ZNF99: variants seen among roughly 807,000 people sequenced by gnomAD.
The protein encoded by ZNF99 is zinc finger protein 99, also known as zinc finger protein ENSP00000375192.
In ZNF99, 8 loss-of-function variants were observed where a neutral mutation model predicts 12.8. The observed-to-expected ratio is 0.62, with a 90% CI of 0.37 to 1.13. ZNF99 has a LOEUF of 1.13. Among genes scored for constraint, ZNF99 ranks in the 50% most tolerant of loss-of-function variants. ZNF99 has a pLI of 0.02. For missense variants in ZNF99, 1,007 were observed against 1,006.2 expected (o/e 1.00, Z -0.01); for synonymous variants, 318 against 319.0 (o/e 1.00, Z 0.03).
intron 1 of ZNF99, among the ~76,000 whole-genome samples, chr19:22,780,552 G>A (rs1390396869): frequency 6.6e-6 from 1 of 152,046 alleles, no homozygotes; most frequent in African/African-American, 2.4e-5. Flanking sequence ...AATTAGCGGC[G>A]TGGTGGCACA....
chr19:22,777,358 A>G (rs1973341216), intron 1 of ZNF99, among the ~76,000 whole-genome samples: 1 of 152,068 alleles, frequency 6.6e-6, no homozygotes, highest in Non-Finnish European at 1.5e-5. Context: ...GAACACAAAG[A>G]GGGGAACAAC....
At chr19:22,777,653 G>C (rs1373581628) in intron 1 of ZNF99, among the ~76,000 whole-genome samples, 1 of 152,156 alleles carries the variant, frequency 6.6e-6, no homozygotes, top group Admixed American at 6.6e-5. Flanking sequence ...GTTCATGCTG[G>C]CAGATGATAT....
intron 3 of ZNF99, among the ~76,000 whole-genome samples, chr19:22,766,902 C>T (rs529624451): frequency 2.2e-4 from 33 of 152,068 alleles, no homozygotes; most frequent in Non-Finnish European, 4.3e-4. Flanking sequence ...CCGCCCACCT[C>T]GGCCTCCCAA....
At position 22,754,281 on chromosome 19, in the gene ZNF99, C is replaced by A. The variant is rs1026258854; in HGVS notation, c.*3033G>T. 1 of 430,886 alleles carries A rather than the reference C, an allele frequency of 2.3e-6. No individual in the cohort carries two copies. Among genetic ancestry groups the A allele is most frequent in the South Asian group, 1.6e-5 (1 of 61,594 alleles). 26.7% of individuals were successfully genotyped at this position (430,886 alleles called of 1,614,324 possible). Reference sequence around the variant, plus strand: ...GCTTGGGAGGTTGAGGCCAGAGAATCGCTTGAACCCAGGAGGCGGAGGTTG... The same window carrying A: ...GCTTGGGAGGTTGAGGCCAGAGAATAGCTTGAACCCAGGAGGCGGAGGTTG... On this transcript the variant is annotated 3_prime_UTR_variant, in exon 4 of 4. Coordinates refer to ENST00000596209, the MANE Select transcript of ZNF99 (RefSeq NM_001080409.3).
At position 22,752,901 on chromosome 19, in the gene ZNF99, C is replaced by T. The variant is rs1215518464; in HGVS notation, c.*4413G>A. The T allele has an allele frequency of 6.6e-6, 1 of 152,058 alleles. No individual in the cohort carries two copies. 9.4% of individuals were successfully genotyped at this position (152,058 alleles called of 1,614,324 possible). On this transcript the variant is annotated 3_prime_UTR_variant, in exon 4 of 4. Transcript: ENST00000596209. ...CTCAGAACACCTACCTCATACATCA[C>T]TCAATATTTTAAGTTAACCACAAAA...
chr19:22,756,669 G>A lies in ZNF99; in HGVS notation c.*645C>T, dbSNP rs533928258. ...TTATCTTATGTTTCATAAGGGTCGA[G>A]AAATTGTTAAAACCTTTGCCACATT... On this transcript the variant is annotated 3_prime_UTR_variant, in exon 4 of 4. Coordinates refer to ENST00000596209, the MANE Select transcript of ZNF99 (RefSeq NM_001080409.3). 1 of 1,479,716 alleles carries A rather than the reference G, an allele frequency of 6.8e-7. No homozygotes were observed. The highest frequency in any genetic ancestry group is 9.0e-7 in the Non-Finnish European group (1 of 1,105,886). The allele number at this position is 1,479,716 out of a possible 1,614,324, so 91.7% of individuals were successfully genotyped here.
chr19:22,755,906 T>C lies in ZNF99; in HGVS notation c.*1408A>G, dbSNP rs116855762. ...TCTTTAGGAATTCTCTCATTTTGAGTAACAGCTGAGCAATGGTTAAAAGCT... is the reference window on the plus strand; with the variant it reads ...TCTTTAGGAATTCTCTCATTTTGAGCAACAGCTGAGCAATGGTTAAAAGCT... On this transcript the variant is annotated 3_prime_UTR_variant, in exon 4 of 4. Coordinates refer to ENST00000596209, the MANE Select transcript of ZNF99 (RefSeq NM_001080409.3). 483 of 345,512 alleles carry C rather than the reference T, an allele frequency of 1.4e-3. 7 individuals carry two copies. In the East Asian group the frequency reaches 0.032, roughly 23 times the overall value. 21.4% of individuals were successfully genotyped at this position (345,512 alleles called of 1,614,324 possible).
At chr19:22,764,358 C>T (rs1262350620) in intron 3 of ZNF99, among the ~76,000 whole-genome samples, 1 of 152,060 alleles carries the variant, frequency 6.6e-6, no homozygotes, top group East Asian at 1.9e-4. Context: ...AATTCTAGAA[C>T]ATTGGAAAAA....
At position 22,759,024 on chromosome 19, in the gene ZNF99, CT is replaced by C. The variant is rs1568383667; in HGVS notation, c.884del (p.Lys295SerfsTer39). ...YKCEECGKAF[K>X]QSSHLTRHKA... is the part of the protein sequence containing the mutation. ...TATGTCTAGTAAGGTGTGAGGATTG[CT>C]TAAAAGCTTTGCCACATTCTTCACA... On this transcript the variant is annotated frameshift_variant, in exon 4 of 4. Coordinates refer to ENST00000596209, the MANE Select transcript of ZNF99 (RefSeq NM_001080409.3). LOFTEE classifies it low-confidence loss of function (END_TRUNC). The C allele has an allele frequency of 6.2e-7, 1 of 1,613,168 alleles. No homozygotes were observed. Among genetic ancestry groups the C allele is most frequent in the African/African-American group, 1.3e-5 (1 of 74,806 alleles).
At chr19:22,781,824 C>G (rs556789412) in intron 1 of ZNF99, among the ~76,000 whole-genome samples, 19 of 152,090 alleles carry the variant, frequency 1.2e-4, no homozygotes, top group African/African-American at 4.6e-4. Context: ...TAGCTAATTC[C>G]CAGACAGTAC....
At chr19:22,763,078 A>G (rs1973166877) in intron 3 of ZNF99, among the ~76,000 whole-genome samples, 1 of 152,128 alleles carries the variant, frequency 6.6e-6, no homozygotes, top group Admixed American at 6.5e-5. Flanking sequence ...CTGGAACAAG[A>G]CAAGGATGCC....
At chr19:22,766,653 TTC>T (rs1491124464) in intron 3 of ZNF99, among the ~76,000 whole-genome samples, 28 of 147,044 alleles carry the variant, frequency 1.9e-4, no homozygotes, top group African/African-American at 6.3e-4. Flanking sequence ...TATTTCTTAT[TTC>T]TTTTTTTTTT....
At chr19:22,764,847 T>G (rs1200607047) in intron 3 of ZNF99, among the ~76,000 whole-genome samples, 1 of 152,142 alleles carries the variant, frequency 6.6e-6, no homozygotes, top group Non-Finnish European at 1.5e-5. Context: ...CAGATGTTGG[T>G]GTGGATGTGG....
At chr19:22,779,449 G>A (rs190178735) in intron 1 of ZNF99, among the ~76,000 whole-genome samples, 5 of 152,212 alleles carry the variant, frequency 3.3e-5, no homozygotes, top group East Asian at 3.9e-4. Flanking sequence ...GCTTGAACCC[G>A]GGAGGCGGAG....
At position 22,759,335 on chromosome 19, in the gene ZNF99, T is replaced by G. The variant is rs1311295771; in HGVS notation, c.574A>C (p.Lys192Gln). 1.3e-6 allele frequency: 2 copies of G among 1,549,004 alleles called. No individual in the cohort carries two copies. The highest frequency in any genetic ancestry group is 1.4e-5 in the African/African-American group (1 of 73,016). The change falls in exon 4 of 4, where the codon AAG (lysine) becomes CAG (glutamine). Residue 192 changes from lysine (K) to glutamine (Q), a missense_variant. Coordinates refer to ENST00000596209, the MANE Select transcript of ZNF99 (RefSeq NM_001080409.3). ...FFMLSHLIQH[K>Q]RIHTRENIYK... ...ATATTCTCTCTAGTATGAATTCTCTTATGTTGAATTAAGTGTGAAAGCATG... is the reference window on the plus strand; with the variant it reads ...ATATTCTCTCTAGTATGAATTCTCTGATGTTGAATTAAGTGTGAAAGCATG...
intron 3 of ZNF99, among the ~76,000 whole-genome samples, chr19:22,767,916 G>A (rs1430184844): frequency 6.6e-6 from 1 of 152,146 alleles, no homozygotes; most frequent in Non-Finnish European, 1.5e-5. Flanking sequence ...AAGAGAAACT[G>A]GACATATCAC....
chr19:22,758,316 A>G lies in ZNF99; in HGVS notation c.1593T>C (p.His531=). 1 of 1,613,064 alleles carries G rather than the reference A, an allele frequency of 6.2e-7. No homozygotes were observed. The highest frequency in any genetic ancestry group is 8.5e-7 in the Non-Finnish European group (1 of 1,179,472). The change falls in exon 4 of 4, where the codon CAT becomes CAC. Residue 531 remains histidine, a synonymous_variant. Coordinates refer to ENST00000596209, the MANE Select transcript of ZNF99 (RefSeq NM_001080409.3). ...CACATTTGTAGGGTTTCTTTCCAGTATGAATTATCTTATGTTTTCTAAGGG... is the reference window on the plus strand; with the variant it reads ...CACATTTGTAGGGTTTCTTTCCAGTGTGAATTATCTTATGTTTTCTAAGGG... ...FSALRKHKII[H]TGKKPYKCEE...
chr19:22,776,357 A>AAC (rs1254704737), intron 1 of ZNF99, among the ~76,000 whole-genome samples: 1 of 138,136 alleles, frequency 7.2e-6, no homozygotes, highest in Non-Finnish European at 1.6e-5. Flanking sequence ...TCTCAATTAA[A>AAC]AAAAAAAAAA....
intron 1 of ZNF99, among the ~76,000 whole-genome samples, chr19:22,776,638 C>T (rs1973331919): frequency 6.6e-6 from 1 of 151,770 alleles, no homozygotes; most frequent in African/African-American, 2.4e-5. Context: ...TAAATTAGTT[C>T]AACCATTGTG....
Sources: allele counts gnomAD v4.1 joint callset (sites outside exome capture counted in the v4.1 genomes callset), GRCh38; gene constraint gnomAD v4.1.1; transcripts MANE v1.5; gene names NCBI Gene and HGNC (gene_info 2026-07-23, HGNC 2026-07-21).